ADCY5: variants seen among roughly 807,000 people sequenced by gnomAD.
ADCY5 encodes the protein adenylate cyclase type 5.
ADCY5 carries 30 observed loss-of-function variants against 119.7 expected under a neutral mutation model. The ratio of observed to expected loss-of-function variants is 0.25; its 90% confidence interval spans 0.19 to 0.34. ADCY5 has a LOEUF of 0.34. Among genes scored for constraint, ADCY5 ranks in the 10% least tolerant of loss-of-function variants. ADCY5 has a pLI of 1.00. For missense variants in ADCY5, 1,324 were observed against 1,775.2 expected (o/e 0.75, Z 4.57); for synonymous variants, 753 against 762.2 (o/e 0.99, Z 0.20).
intron 1 of ADCY5, among the ~76,000 whole-genome samples, chr3:123,383,702 G>GA (rs1944111254): frequency 8.7e-6 from 1 of 115,112 alleles, no homozygotes; most frequent in Non-Finnish European, 1.7e-5. Context: ...ATCTCAGCTA[G>GA]GGGGTTTAAA....
intron 1 of ADCY5, among the ~76,000 whole-genome samples, chr3:123,394,559 G>C (rs970019395): frequency 1.6e-4 from 24 of 152,284 alleles, no homozygotes; most frequent in Middle Eastern, 6.8e-3. Context: ...TGTTAAGCTC[G>C]TGCAGTTTAG....
At chr3:123,289,978 G>T in intron 18 of ADCY5, 24 bp from the exon 19 acceptor site, 1 of 1,612,448 alleles carries the variant, frequency 6.2e-7, no homozygotes. Flanking sequence ...GCCAAACCTG[G>T]GTCACCCCAA....
chr3:123,299,749 G>A (rs1190034888), intron 15 of ADCY5, among the ~76,000 whole-genome samples: 2 of 152,212 alleles, frequency 1.3e-5, no homozygotes, highest in African/African-American at 2.4e-5. Context: ...GTGGGACACA[G>A]ACCCTGTGAA....
intron 17 of ADCY5, 93 bp from the exon 18 acceptor site, chr3:123,291,469 C>T: frequency 7.4e-6 from 11 of 1,487,006 alleles, no homozygotes; most frequent in Non-Finnish European, 8.2e-6. Flanking sequence ...GGAGAAAAAG[C>T]ACCAGTCACG....
At chr3:123,444,030 C>T (rs190799219) in intron 1 of ADCY5, among the ~76,000 whole-genome samples, 1 of 152,172 alleles carries the variant, frequency 6.6e-6, no homozygotes. Context: ...GTTGTGTGAG[C>T]ATGCTTGTTT....
At position 123,435,851 on chromosome 3, in the gene ADCY5, T is replaced by TTTTTTA. The variant is rs1482102548; in HGVS notation, c.1134+11560_1134+11561insTAAAAA. On this transcript the variant is annotated intron_variant, in intron 1 of 20. Coordinates refer to ENST00000462833, the MANE Select transcript of ADCY5 (RefSeq NM_183357.3). ...GCCTGGGCAACCTGGCAAGAGCCCT[T>TTTTTTA]TTATTATTATTATTATTATTATTAT... Among the ~76,000 whole-genome samples the TTTTTTA allele has an allele frequency of 1.2e-3, 154 of 125,880 alleles. 1 individual carries two copies. The highest frequency in any genetic ancestry group is 4.1e-3 in the African/African-American group (137 of 33,454). 82.6% of individuals were successfully genotyped at this position (125,880 alleles called of 152,430 possible). A position where few individuals can be genotyped will look rare whatever the true frequency, so the allele number is the denominator to read the frequency against.
At position 123,352,519 on chromosome 3, in the gene ADCY5, C is replaced by T. The variant is rs111864274; in HGVS notation, c.1197G>A (p.Pro399=). The T allele has an allele frequency of 9.9e-6, 16 of 1,613,814 alleles. No individual in the cohort carries two copies. The highest frequency in any genetic ancestry group is 5.0e-5 in the Admixed American group (3 of 59,986). The change falls in exon 2 of 21, where the codon CCG becomes CCA. Residue 399 remains proline (P), a synonymous_variant. Transcript: ENST00000462833. This position sits in a 1 kb window ranked among gnomAD's most constrained non-coding sequence, Gnocchi z 4.8. The part of the protein sequence containing the change: ...TNIVGVCTHY[P]AEVSQRQAFQ... ...AAGCCTGTCTCTGGGAGACCTCAGC[C>T]GGATAGTGGGTGCAGACACCCACGA...
chr3:123,352,193 G>A lies in ADCY5; in HGVS notation c.1284+239C>T, dbSNP rs1942859480. On this transcript the variant is annotated intron_variant, in intron 2 of 20. Transcript: ENST00000462833. The surrounding 1 kb of genome is among the most constrained non-coding windows in gnomAD (Gnocchi z 4.8). ...CTGCTGGGCTTGTTTGCAAACCACA[G>A]GGACGCCACATGGCTATGGGCACCA... is the stretch of plus-strand genomic sequence containing the variant. Among the ~76,000 whole-genome samples the A allele has an allele frequency of 6.6e-6, 1 of 152,164 alleles. No homozygotes were observed. Among genetic ancestry groups the A allele is most frequent in the Non-Finnish European group, 1.5e-5 (1 of 68,012 alleles).
intron 20 of ADCY5, 120 bp from the exon 21 acceptor site, chr3:123,284,856 G>T: frequency 1.5e-6 from 2 of 1,376,408 alleles, no homozygotes; most frequent in Non-Finnish European, 2.0e-6. Context: ...GAAGGAGAGG[G>T]GCAGCTGCCC....
At chr3:123,299,833 G>A (rs1343017656) in intron 15 of ADCY5, among the ~76,000 whole-genome samples, 3 of 152,216 alleles carry the variant, frequency 2.0e-5, no homozygotes, top group Non-Finnish European at 2.9e-5. Flanking sequence ...TCTGAGCCTG[G>A]GGCAGCTGGA....
intron 1 of ADCY5, among the ~76,000 whole-genome samples, chr3:123,354,076 C>A (rs577346539): frequency 6.6e-6 from 1 of 152,178 alleles, no homozygotes; most frequent in Non-Finnish European, 1.5e-5. Context: ...CTCCCATATC[C>A]TTCCACTCCA....
intron 14 of ADCY5, among the ~76,000 whole-genome samples, chr3:123,302,274 G>A (rs906810223): frequency 2.0e-5 from 3 of 152,212 alleles, no homozygotes; most frequent in Non-Finnish European, 2.9e-5. Flanking sequence ...CAACTTGCAC[G>A]CCACAGGTGC....
chr3:123,332,660 G>A lies in ADCY5; in HGVS notation c.1422C>T (p.Asp474=). Reference sequence around the variant, plus strand: ...ACGCCAGGCTGGTGAAGCCCTCGATGTCAGCAAACAGGATGCTGGGGGACA... The same window carrying A: ...ACGCCAGGCTGGTGAAGCCCTCGATATCAGCAAACAGGATGCTGGGGGACA... ...KHDNVSILFA[D]IEGFTSLASQ... The change falls in exon 4 of 21, where the codon GAC becomes GAT. Residue 474 remains aspartate, a synonymous_variant. Coordinates refer to ENST00000462833, the MANE Select transcript of ADCY5 (RefSeq NM_183357.3). 1 of 1,612,392 alleles carries A rather than the reference G, an allele frequency of 6.2e-7. No homozygotes were observed.
chr3:123,356,477 T>C (rs971100667), intron 1 of ADCY5, among the ~76,000 whole-genome samples: 1 of 152,160 alleles, frequency 6.6e-6, no homozygotes, highest in African/African-American at 2.4e-5. Context: ...GATCTTCACT[T>C]GTATGGCAAT....
intron 1 of ADCY5, among the ~76,000 whole-genome samples, chr3:123,359,857 C>T (rs1943185779): frequency 6.6e-6 from 1 of 152,158 alleles, no homozygotes; most frequent in Non-Finnish European, 1.5e-5. Flanking sequence ...AAGAAGCTGA[C>T]ATCCTGGCAA....
intron 3 of ADCY5, among the ~76,000 whole-genome samples, chr3:123,341,863 T>A (rs1039940553): frequency 3.9e-5 from 6 of 151,986 alleles, no homozygotes; most frequent in South Asian, 2.1e-4. Flanking sequence ...GTTTGTGGAA[T>A]GACTAAAATA....
intron 1 of ADCY5, among the ~76,000 whole-genome samples, chr3:123,406,552 G>A (rs1033879512): frequency 3.9e-5 from 6 of 152,210 alleles, no homozygotes; most frequent in South Asian, 2.1e-4. Context: ...GCAAAGCGGC[G>A]TTTTCATTTC....
At chr3:123,364,751 C>T (rs2055168) in intron 1 of ADCY5, among the ~76,000 whole-genome samples, 143,873 of 152,218 alleles carry the variant, frequency 0.95, 68,536 homozygotes, top group East Asian at 1. Flanking sequence ...ACATTCATTA[C>T]GGAACACTTC....
intron 1 of ADCY5, among the ~76,000 whole-genome samples, chr3:123,405,671 G>T (rs996760433): frequency 6.6e-6 from 1 of 151,852 alleles, no homozygotes; most frequent in African/African-American, 2.4e-5. Context: ...GGCTCGCTTT[G>T]TCGTCCAGGC....
Sources: gnomAD v4.1 joint callset for allele counts (sites outside exome capture counted in the v4.1 genomes callset) on GRCh38, gnomAD v4.1.1 for gene constraint, Gnocchi (gnomAD v3.1) non-coding constraint, MANE v1.5 for transcripts, NCBI Gene and HGNC (gene_info 2026-07-23, HGNC 2026-07-21) for gene names.